KLC3: variants seen among roughly 807,000 people sequenced by gnomAD.
KLC3 encodes kinesin light chain 2.
A neutral mutation model predicts 62.9 loss-of-function variants in KLC3; 72 were observed. That is an observed-to-expected ratio of 1.15 (90% CI 0.95 to 1.39). KLC3 has a LOEUF of 1.39. KLC3 is among the 40% of genes most tolerant of loss of function. KLC3 has a pLI of 0.00. For missense variants in KLC3, 848 were observed against 691.6 expected (o/e 1.23, Z -2.54); for synonymous variants, 377 against 300.5 (o/e 1.25, Z -2.63).
Position 45,351,454 on chromosome 19 carries a change from T to C in KLC3, c.*97T>C. The C allele has an allele frequency of 1.9e-6, 3 of 1,583,034 alleles. No individual in the cohort carries two copies. Among genetic ancestry groups the C allele is most frequent in the Non-Finnish European group, 2.6e-6 (3 of 1,168,276 alleles). ...GGGTCTATCATCTCCTGGCCCCCCC[T>C]TGCCTCTGGGTACCTGGTGGATAGC... is the stretch of plus-strand genomic sequence containing the variant. On this transcript the variant is annotated 3_prime_UTR_variant, in exon 13 of 13. Coordinates refer to ENST00000391946, the MANE Select transcript of KLC3 (RefSeq NM_177417.3).
At position 45,351,468 on chromosome 19, in the gene KLC3, C is replaced by G; in HGVS notation, c.*111C>G. ...CTGGCCCCCCCTTGCCTCTGGGTAC[C>G]TGGTGGATAGCTGCCTTCTCCTGCG... On this transcript the variant is annotated 3_prime_UTR_variant, in exon 13 of 13. Transcript: ENST00000391946. 1 of 1,584,706 alleles carries G rather than the reference C, an allele frequency of 6.3e-7. No homozygotes were observed. The highest frequency in any genetic ancestry group is 1.1e-5 in the South Asian group (1 of 89,034).
intron 10 of KLC3, 25 bp from the exon 11 acceptor site, chr19:45,350,598 CATGGGCCTGGGGGACTGA>C (rs773809752): frequency 3.7e-6 from 6 of 1,613,540 alleles, no homozygotes; most frequent in Non-Finnish European, 4.2e-6. Context: ...GTGGGGACTG[CATGGGCCTGGGGGACTGA>C]GCAGCATCCC....
In KLC3 at chr19:45,340,848, T is replaced by C. The variant is rs1971378494; in HGVS notation, c.-9+2T>C. ...GGGGCCGGAGCCGCCCGCGGTCAGG[T>C]GGGTGCCGGGAGTGGGGCGCGGGAC... On this transcript the variant is annotated splice_donor_variant, in intron 1 of 12. Transcript: ENST00000391946. LOFTEE classifies it low-confidence loss of function (5UTR_SPLICE). 6.6e-6 allele frequency: 1 copy of C among 150,428 alleles called. No individual in the cohort carries two copies. Among genetic ancestry groups the C allele is most frequent in the Middle Eastern group, 3.4e-3 (1 of 294 alleles). 9.3% of individuals were successfully genotyped at this position (150,428 alleles called of 1,614,324 possible).
rs373548688 is a variant in KLC3, at chr19:45,350,693, G to A, written c.1325G>A (p.Gly442Glu). 2 of 1,613,586 alleles carry A rather than the reference G, an allele frequency of 1.2e-6. No homozygotes were observed. Among genetic ancestry groups the A allele is most frequent in the Non-Finnish European group, 1.7e-6 (2 of 1,179,926 alleles). Residue 442 changes from glycine to glutamate, a missense_variant, in exon 11 of 13, where the codon GGA becomes GAA. Gly to Glu is a moderately conservative substitution (Grantham distance 98). Coordinates refer to ENST00000391946, the MANE Select transcript of KLC3 (RefSeq NM_177417.3). Reference sequence around the variant, plus strand: ...AAGATCCGTGAGTCTATCAGGCGAGGAAGTGAGAAGCTGGTCTCCCGGCTC... The same window carrying A: ...AAGATCCGTGAGTCTATCAGGCGAGAAAGTGAGAAGCTGGTCTCCCGGCTC... ...LSKIRESIRR[G>E]SEKLVSRLRG...
Position 45,345,704 on chromosome 19 carries a change from C to A in KLC3, c.163C>A (p.Gln55Lys), listed in dbSNP as rs1462121413. Reference protein sequence around the residue: ...AGHLAEALAGQGPAAGLEMLE... With the variant: ...AGHLAEALAGKGPAAGLEMLE... Reference sequence around the variant, plus strand: ...GCACCTGGCGGAGGCCCTGGCGGGACAGGGCCCGGCAGCCGGCTTGGAGAT... The same window carrying A: ...GCACCTGGCGGAGGCCCTGGCGGGAAAGGGCCCGGCAGCCGGCTTGGAGAT... The change falls in exon 2 of 13, where the codon CAG (glutamine) becomes AAG (lysine). Residue 55 changes from glutamine (Q) to lysine (K), a missense_variant. Physicochemically the swap from Gln to Lys is moderately conservative, Grantham distance 53 (BLOSUM62 1). Transcript: ENST00000391946. The A allele has an allele frequency of 1.3e-6, 2 of 1,567,144 alleles. No individual in the cohort carries two copies. The highest frequency in any genetic ancestry group is 1.9e-5 in the Admixed American group (1 of 52,228).
At chr19:45,347,353 A>C (rs960244958) in intron 3 of KLC3, 94 bp from the exon 4 acceptor site, 19 of 940,612 alleles carry the variant, frequency 2.0e-5, no homozygotes, top group East Asian at 1.8e-4. Context: ...AAAAAAAAAA[A>C]AAACAAAAAA....
chr19:45,350,649 C>G lies in KLC3; in HGVS notation c.1281C>G (p.Arg427=). Residue 427 remains arginine (R), a synonymous_variant, in exon 11 of 13, where the codon CGC becomes CGG. Transcript: ENST00000391946. ...CCCCGGCCCCTCCCCAGGCCCTTCG[C>G]CGCAGCAGCTCACTCTCCAAGATCC... ...GTAGDAEQAL[R]RSSSLSKIRE... 6.2e-7 allele frequency: 1 copy of G among 1,613,758 alleles called. No individual in the cohort carries two copies. Among genetic ancestry groups the G allele is most frequent in the Admixed American group, 1.7e-5 (1 of 59,992 alleles).
At chr19:45,348,262 AG>A in intron 5 of KLC3, 102 bp downstream of exon 5, 1 of 1,091,088 alleles carries the variant, frequency 9.2e-7, no homozygotes, top group Non-Finnish European at 1.3e-6. Context: ...TGGAGCACCT[AG>A]GGAGGTCAGG....
chr19:45,343,800 G>A (rs565665192), intron 1 of KLC3, among the ~76,000 whole-genome samples: 1 of 152,172 alleles, frequency 6.6e-6, no homozygotes, highest in Admixed American at 6.6e-5. Flanking sequence ...ATAGGAGAAA[G>A]TGAGTGCGTG....
chr19:45,341,776 C>G (rs866525564), intron 1 of KLC3, among the ~76,000 whole-genome samples: 1 of 134,826 alleles, frequency 7.4e-6, no homozygotes, highest in African/African-American at 3.1e-5. Flanking sequence ...GCCGTGTGTG[C>G]GTGTGTGTGT....
In KLC3 at chr19:45,350,730, G is replaced by GGCGGCA; in HGVS notation, c.1364_1369dup (p.Ala455_Ala456dup). Reference sequence around the variant, plus strand: ...TGGTCTCCCGGCTCCGAGGCGAGGCGGCGGCAGGAGCAGCCGGGTGAGTGT... The same window carrying GGCGGCA: ...TGGTCTCCCGGCTCCGAGGCGAGGCGGCGGCAGCGGCAGGAGCAGCCGGGTGAGTGT... On this transcript the variant is annotated inframe_insertion, in exon 11 of 13. Transcript: ENST00000391946. The GGCGGCA allele has an allele frequency of 6.2e-7, 1 of 1,612,414 alleles. No homozygotes were observed. The highest frequency in any genetic ancestry group is 8.5e-7 in the Non-Finnish European group (1 of 1,179,508).
intron 1 of KLC3, 198 bp from the exon 2 acceptor site, chr19:45,345,336 T>G: frequency 1.5e-6 from 1 of 686,722 alleles, no homozygotes; most frequent in Non-Finnish European, 2.5e-6. Context: ...CTGTTCCAGA[T>G]GAGAGCTGGC....
At position 45,350,479 on chromosome 19, in the gene KLC3, G is replaced by A. The variant is rs750726659; in HGVS notation, c.1235-35G>A. The A allele has an allele frequency of 2.5e-6, 4 of 1,613,390 alleles. 1 individual carries two copies. The South Asian group carries it at 3.3e-5, about 13-fold the overall frequency. On this transcript the variant is annotated intron_variant, in intron 9 of 12. Transcript: ENST00000391946. ...TCTTCCCTCCTGGTGGCTTCTCTAT[G>A]TCCCCATCTCAGTGTCCCCCATCTT...
At chr19:45,347,636 G>A (rs1971535917) in intron 4 of KLC3, 120 bp downstream of exon 4, 1 of 894,522 alleles carries the variant, frequency 1.1e-6, no homozygotes, top group Non-Finnish European at 1.7e-6. Flanking sequence ...GGGTGAGGAG[G>A]ACCCTGAATG....
At chr19:45,342,415 C>T (rs532281372) in intron 1 of KLC3, among the ~76,000 whole-genome samples, 6 of 151,876 alleles carry the variant, frequency 4.0e-5, no homozygotes, top group African/African-American at 7.3e-5. Context: ...GGTGATACCC[C>T]GTCTCTACAA....
In KLC3 at chr19:45,345,647, G is replaced by T. The variant is rs376299711; in HGVS notation, c.106G>T (p.Ala36Ser). The change falls in exon 2 of 13, where the codon GCG becomes TCG. Residue 36 changes from alanine to serine, a missense_variant. Transcript: ENST00000391946. The part of the protein sequence containing the change: ...QTRQVVQGLE[A>S]LRAEHHGLAG... ...GCGGCAAGTGGTCCAGGGGCTGGAG[G>T]CGCTGCGGGCAGAGCACCATGGCCT... 1 of 1,584,168 alleles carries T rather than the reference G, an allele frequency of 6.3e-7. No individual in the cohort carries two copies. The highest frequency in any genetic ancestry group is 1.8e-5 in the Admixed American group (1 of 54,628).
intron 1 of KLC3, among the ~76,000 whole-genome samples, chr19:45,341,578 T>TGTGCGTGCGCGCGCGCGCGC: frequency 2.1e-5 from 3 of 139,800 alleles, no homozygotes; most frequent in African/African-American, 5.4e-5. Context: ...TGTGTGTGTG[T>TGTGCGTGCGCGCGCGCGCGC]GCGCGCGCGC....
chr19:45,345,617 C>T lies in KLC3; in HGVS notation c.76C>T (p.Gln26Ter), dbSNP rs1334859147. 1 of 1,581,236 alleles carries T rather than the reference C, an allele frequency of 6.3e-7. No individual in the cohort carries two copies. The highest frequency in any genetic ancestry group is 8.6e-7 in the Non-Finnish European group (1 of 1,164,966). Reference sequence around the variant, plus strand: ...CCTGAGCCCTGAGGAGCTGGTGCGGCAGACGCGGCAAGTGGTCCAGGGGCT... The same window carrying T: ...CCTGAGCCCTGAGGAGCTGGTGCGGTAGACGCGGCAAGTGGTCCAGGGGCT... Reference protein sequence around the residue: ...ERLSPEELVRQTRQVVQGLEA... With the variant: ...ERLSPEELVR Residue 26 changes from glutamine to a stop codon, truncating the protein, a stop_gained, in exon 2 of 13, where the codon CAG becomes TAG. Coordinates refer to ENST00000391946, the MANE Select transcript of KLC3 (RefSeq NM_177417.3). LOFTEE classifies it high-confidence loss of function.
At chr19:45,344,439 G>C (rs1451763595) in intron 1 of KLC3, among the ~76,000 whole-genome samples, 1 of 143,740 alleles carries the variant, frequency 7.0e-6, no homozygotes, top group Non-Finnish European at 1.5e-5. Flanking sequence ...GGCTGGTCTT[G>C]AACTCTTGGC....
Sources: allele counts gnomAD v4.1 joint callset (sites outside exome capture counted in the v4.1 genomes callset), GRCh38; gene constraint gnomAD v4.1.1; transcripts MANE v1.5; gene names NCBI Gene and HGNC (gene_info 2026-07-23, HGNC 2026-07-21).